Variants in ANTXRL observed in about 807,000 individuals in gnomAD.
ANTXRL encodes anthrax toxin receptor-like.
A neutral mutation model predicts 75.4 loss-of-function variants in ANTXRL; 63 were observed. The observed-to-expected ratio is 0.84, with a 90% CI of 0.68 to 1.03. The LOEUF (loss-of-function observed/expected upper bound fraction) is 1.03, where lower values mean the gene tolerates loss of function less well. ANTXRL is among the 50% of genes least tolerant of loss of function. ANTXRL has a pLI of 0.00. For synonymous variants in ANTXRL, 335 were observed against 291.3 expected, an observed-to-expected ratio of 1.15 and a Z score of -1.53; for missense variants, 797 against 789.4, an observed-to-expected ratio of 1.01 and a Z score of -0.12.
chr10:46,297,634 C>T (rs1554959271), intron 7 of ANTXRL, among the ~76,000 whole-genome samples, 160 bp downstream of exon 7: 1 of 152,118 alleles, frequency 6.6e-6, no homozygotes, highest in Non-Finnish European at 1.5e-5. Context: ...TTGTATAAAT[C>T]CCACCATGCC....
chr10:46,309,754 C>T (rs570986818), intron 13 of ANTXRL, among the ~76,000 whole-genome samples: 37 of 152,282 alleles, frequency 2.4e-4, no homozygotes, highest in Middle Eastern at 6.8e-3. Context: ...CTGGGCTGGG[C>T]AGGGACAGAA....
chr10:46,307,621 C>T (rs1307569690), intron 12 of ANTXRL, 141 bp downstream of exon 12: 89 of 819,822 alleles, frequency 1.1e-4, no homozygotes, highest in South Asian at 2.4e-4. Flanking sequence ...TGCTCCAACC[C>T]GGCTTCTGGA....
Position 46,300,971 on chromosome 10 carries a change from T to C in ANTXRL, c.797-1751T>C, listed in dbSNP as rs143250495. Among the ~76,000 whole-genome samples, 305 of 150,944 alleles carry C rather than the reference T, an allele frequency of 2.0e-3. 6 individuals are homozygous for C. The East Asian group carries it at 0.023, about 11-fold the overall frequency. On this transcript the variant is annotated intron_variant, in intron 9 of 16. Coordinates refer to ENST00000620264, the MANE Select transcript of ANTXRL (RefSeq NM_001278688.3). ...ATTTTACAATGAATGTTTGGCCATG[T>C]TCCTTTATCTCTCCCACCCCCCCTC... is the stretch of plus-strand genomic sequence containing the variant.
intron 3 of ANTXRL, 53 bp from the exon 4 acceptor site, chr10:46,295,966 T>A: frequency 6.8e-7 from 1 of 1,462,984 alleles, no homozygotes; most frequent in Non-Finnish European, 9.3e-7. Flanking sequence ...TGGGAGCTGA[T>A]TTTTAACAGT....
At chr10:46,324,800 G>A (rs998338728) in intron 16 of ANTXRL, among the ~76,000 whole-genome samples, 13 of 152,118 alleles carry the variant, frequency 8.5e-5, no homozygotes, top group Admixed American at 5.9e-4. Context: ...TGGTTCAGGA[G>A]AGTCAGGAAA....
At chr10:46,305,918 C>T (rs1438687849) in intron 10 of ANTXRL, among the ~76,000 whole-genome samples, 2 of 152,134 alleles carry the variant, frequency 1.3e-5, no homozygotes, top group Non-Finnish European at 2.9e-5. Context: ...TCTGAGCTTC[C>T]TCTTCACATC....
rs1167280812 is a variant in ANTXRL, at chr10:46,329,969, TC to T, written c.1787del (p.Pro596GlnfsTer5). 72 of 1,527,930 alleles carry T rather than the reference TC, an allele frequency of 4.7e-5. No individual in the cohort carries two copies. Among genetic ancestry groups the T allele is most frequent in the Middle Eastern group, 1.7e-4 (1 of 5,994 alleles). 94.6% of individuals were successfully genotyped at this position (1,527,930 alleles called of 1,614,324 possible). On this transcript the variant is annotated frameshift_variant, in exon 17 of 17. Coordinates refer to ENST00000620264, the MANE Select transcript of ANTXRL (RefSeq NM_001278688.3). LOFTEE classifies it high-confidence loss of function. ...CTCACCTGCTCCTCCAGGTGCCGCC[TC>T]CCCCCAGCTAGGTGCTTGAGGCCTC... is the stretch of plus-strand genomic sequence containing the variant. ...LPLTCSSRCRLPPARCLRPPS... is the reference protein window; with the variant it reads ...LPLTCSSRCRXPPARCLRPPS...
chr10:46,295,825 T>G (rs1208559373), intron 3 of ANTXRL, among the ~76,000 whole-genome samples, 194 bp from the exon 4 acceptor site: 1 of 152,116 alleles, frequency 6.6e-6, no homozygotes, highest in Non-Finnish European at 1.5e-5. Flanking sequence ...TCTCTGTAAC[T>G]CGGATGAGCT....
chr10:46,299,684 C>T (rs1837599679), intron 9 of ANTXRL, among the ~76,000 whole-genome samples: 1 of 152,218 alleles, frequency 6.6e-6, no homozygotes, highest in African/African-American at 2.4e-5. Flanking sequence ...CTCTGCTCTC[C>T]ATGGGCACAC....
At chr10:46,328,694 G>T (rs1202453355) in intron 16 of ANTXRL, among the ~76,000 whole-genome samples, 6 of 151,902 alleles carry the variant, frequency 3.9e-5, no homozygotes, top group African/African-American at 1.5e-4. Flanking sequence ...CGGTAAATAT[G>T]TGCCGTGGTG....
At position 46,297,435 on chromosome 10, in the gene ANTXRL, C is replaced by T. The variant is rs781947090; in HGVS notation, c.615C>T (p.Asn205=). The T allele has an allele frequency of 5.5e-5, 84 of 1,535,758 alleles. No homozygotes were observed. The highest frequency in any genetic ancestry group is 1.7e-4 in the Middle Eastern group (1 of 6,004). ...EAQKARKLGA[N]VYTLGVADYN... ...AAAAGGCTCGGAAACTGGGGGCCAA[C>T]GTTTACACCCTGGGTGTGGCTGATT... The change falls in exon 7 of 17, where the codon AAC becomes AAT. Residue 205 remains asparagine (N), a synonymous_variant. Coordinates refer to ENST00000620264, the MANE Select transcript of ANTXRL (RefSeq NM_001278688.3).
In ANTXRL at chr10:46,315,402, C is replaced by T. The variant is rs879981642; in HGVS notation, c.1410+2086C>T. 7.2e-5 allele frequency among the ~76,000 whole-genome samples: 11 copies of T among 152,340 alleles called. No individual in the cohort carries two copies. The East Asian group carries it at 9.6e-4, about 13-fold the overall frequency. ...GCCAGGCAGCCCAACTGCAACCGCA[C>T]GGCTGTGGAGGCATCAGTGAGACGT... On this transcript the variant is annotated intron_variant, in intron 16 of 16. Coordinates refer to ENST00000620264, the MANE Select transcript of ANTXRL (RefSeq NM_001278688.3).
Position 46,311,673 on chromosome 10 carries a change from G to A in ANTXRL, c.1329+8G>A, listed in dbSNP as rs77974251. The A allele has an allele frequency of 3.2e-3, 3,056 of 945,004 alleles. 46 individuals are homozygous for A. In the African/African-American group the frequency reaches 0.041, roughly 13 times the overall value. The allele number at this position is 945,004 out of a possible 1,614,324, so 58.5% of individuals were successfully genotyped here. On this transcript the variant is annotated splice_region_variant and intron_variant, in intron 15 of 16. Transcript: ENST00000620264. ...GGGATGAGAAGGATAGAGGTGAGAA[G>A]GGCACAGTGGAGAGGGGCTGTGACC...
Position 46,302,677 on chromosome 10 carries a change from C to T in ANTXRL, c.797-45C>T, listed in dbSNP as rs1837826108. The T allele has an allele frequency of 2.2e-6, 3 of 1,378,590 alleles. No homozygotes were observed. The Admixed American group carries it at 5.9e-5, about 27-fold the overall frequency. 85.4% of individuals were successfully genotyped at this position (1,378,590 alleles called of 1,614,324 possible). ...AATAGGGAGGTCAGAGGGGAGGCAG[C>T]CCCCTACTCTTCCTCACTCAGCCTT... On this transcript the variant is annotated intron_variant, in intron 9 of 16. Coordinates refer to ENST00000620264, the MANE Select transcript of ANTXRL (RefSeq NM_001278688.3).
intron 10 of ANTXRL, among the ~76,000 whole-genome samples, chr10:46,303,539 AT>A (rs1837886109): frequency 6.6e-6 from 1 of 152,180 alleles, no homozygotes; most frequent in South Asian, 2.1e-4. Flanking sequence ...TCTAATGAGC[AT>A]TTCTTTCGAA....
intron 11 of ANTXRL, 83 bp from the exon 12 acceptor site, chr10:46,307,319 A>C (rs1253798196): frequency 1.0e-6 from 1 of 977,108 alleles, no homozygotes; most frequent in African/African-American, 1.6e-5. Context: ...TTGGGGAATG[A>C]CCTCTCATTA....
rs1837359170 is a variant in ANTXRL, at chr10:46,296,070, T to C, written c.444T>C (p.Gly148=). ...LDQLQKIVPD[G]HTFMQAGFRK... is the part of the protein sequence containing the mutation. ...AACTTCAGAAAATTGTGCCTGACGG[T>C]CACACATTCATGCAGGCAGGATTTA... The change falls in exon 4 of 17, where the codon GGT becomes GGC. Residue 148 remains glycine, a synonymous_variant. Transcript: ENST00000620264. 6.5e-7 allele frequency: 1 copy of C among 1,535,814 alleles called. No individual in the cohort carries two copies.
chr10:46,289,220 C>G (rs1235516719), intron 1 of ANTXRL, among the ~76,000 whole-genome samples: 3 of 152,160 alleles, frequency 2.0e-5, no homozygotes, highest in East Asian at 1.9e-4. Flanking sequence ...AATGAATCAG[C>G]CTCCCATGCG....
chr10:46,298,676 A>G (rs1250052494), intron 9 of ANTXRL, among the ~76,000 whole-genome samples: 3 of 150,486 alleles, frequency 2.0e-5, no homozygotes, highest in African/African-American at 7.4e-5. Context: ...TTTGTGTCGT[A>G]TGGGGAGTTG....
Sources: gnomAD v4.1 joint callset for allele counts (sites outside exome capture counted in the v4.1 genomes callset) on GRCh38, gnomAD v4.1.1 for gene constraint, MANE v1.5 for transcripts, NCBI Gene and HGNC (gene_info 2026-07-23, HGNC 2026-07-21) for gene names.